Variants in PSMC3IP observed in about 807,000 individuals in gnomAD.
The protein encoded by PSMC3IP is homologous-pairing protein 2 homolog.
A neutral mutation model predicts 34.9 loss-of-function variants in PSMC3IP; 26 were observed. The observed-to-expected ratio is 0.74, with a 90% CI of 0.55 to 1.03. PSMC3IP has a LOEUF of 1.03. Ranked by LOEUF, PSMC3IP falls within the 50% of genes least tolerant of loss-of-function variation. PSMC3IP has a pLI of 0.00. For synonymous variants in PSMC3IP, 87 were observed against 96.5 expected (o/e 0.90, Z 0.57); for missense variants, 250 against 263.1 (o/e 0.95, Z 0.34).
rs1351553426 is a variant in PSMC3IP, at chr17:42,577,069, G to A, written c.225+144C>T. On this transcript the variant is annotated intron_variant, in intron 3 of 7. Coordinates refer to ENST00000393795, the MANE Select transcript of PSMC3IP (RefSeq NM_016556.4). ...TCGTGAAGTTGGGATCCTAACAAGA[G>A]GAGTACACACCTTGATTTAAGGATG... is the stretch of plus-strand genomic sequence containing the variant. The A allele has an allele frequency of 4.6e-6, 7 of 1,533,722 alleles. No individual in the cohort carries two copies. The Admixed American group carries it at 5.9e-5, about 13-fold the overall frequency.
chr17:42,575,853 CAAAAAAAAAA>C (rs971478774), intron 3 of PSMC3IP, among the ~76,000 whole-genome samples: 1 of 100,482 alleles, frequency 1.0e-5, no homozygotes, highest in Admixed American at 1.0e-4. Context: ...CTAAAAATAC[CAAAAAAAAAA>C]AAAAAAAAAA....
rs149230650 is a variant in PSMC3IP, at chr17:42,572,988, C to T, written c.634G>A (p.Val212Ile). Residue 212 changes from valine (V) to isoleucine (I), a missense_variant, in exon 8 of 8, where the codon GTC becomes ATC. Transcript: ENST00000393795. ...GCCCCTCAGGGGTCTGGGAGTGTGA[C>T]GTTGTAATCTTCATCCGTCTCTATC... ...VGIETDEDYN[V>I]TLPDP 2.6e-5 allele frequency: 42 copies of T among 1,614,216 alleles called. No individual in the cohort carries two copies. In the East Asian group the frequency reaches 4.7e-4, roughly 18 times the overall value.
intron 5 of PSMC3IP, 56 bp from the exon 6 acceptor site, chr17:42,573,420 G>A: frequency 6.2e-7 from 1 of 1,614,220 alleles, no homozygotes; most frequent in Non-Finnish European, 8.5e-7. Flanking sequence ...GCCCTCTGGG[G>A]CTCAGCCCTG....
Position 42,577,701 on chromosome 17 carries a change from C to T in PSMC3IP, c.-15G>A, listed in dbSNP as rs2093085683. 6.2e-7 allele frequency: 1 copy of T among 1,613,988 alleles called. No individual in the cohort carries two copies. The highest frequency in any genetic ancestry group is 8.5e-7 in the Non-Finnish European group (1 of 1,179,892). ...CCTTTACTCATCGCCTTTCCCGCCACCCAACTCAGAAAGCCGGACGTTGTA... is the reference window on the plus strand; with the variant it reads ...CCTTTACTCATCGCCTTTCCCGCCATCCAACTCAGAAAGCCGGACGTTGTA... On this transcript the variant is annotated 5_prime_UTR_variant, in exon 1 of 8. The change creates a new upstream start codon in the 5' untranslated region. Coordinates refer to ENST00000393795, the MANE Select transcript of PSMC3IP (RefSeq NM_016556.4).
Position 42,574,185 on chromosome 17 carries a change from G to A in PSMC3IP, c.251C>T (p.Ala84Val). The change falls in exon 4 of 8, where the codon GCT (alanine) becomes GTT (valine). Residue 84 changes from alanine to valine, a missense_variant. Physicochemically the swap from Ala to Val is moderately conservative, Grantham distance 64 (BLOSUM62 0). Coordinates refer to ENST00000393795, the MANE Select transcript of PSMC3IP (RefSeq NM_016556.4). ...DQDQFDMVSD[A>V]DLQVLDGKIV... ...TTTGCCATCTAGGACTTGAAGGTCAGCATCACTCACCATGTCAAACTGGTC... is the reference window on the plus strand; with the variant it reads ...TTTGCCATCTAGGACTTGAAGGTCAACATCACTCACCATGTCAAACTGGTC... The A allele has an allele frequency of 1.2e-6, 2 of 1,614,088 alleles. No homozygotes were observed. The highest frequency in any genetic ancestry group is 1.7e-6 in the Non-Finnish European group (2 of 1,179,994).
In PSMC3IP at chr17:42,572,942, C is replaced by G. The variant is rs776902601; in HGVS notation, c.*26G>C. On this transcript the variant is annotated 3_prime_UTR_variant, in exon 8 of 8. Coordinates refer to ENST00000393795, the MANE Select transcript of PSMC3IP (RefSeq NM_016556.4). The stretch of plus-strand genomic sequence containing the variant: ...TCTCACTCTTCTGACATCCTGCAGT[C>G]CCCACCAGTCCTGACCGTGGGCCCC... 1.2e-6 allele frequency: 2 copies of G among 1,612,854 alleles called. No individual in the cohort carries two copies. The highest frequency in any genetic ancestry group is 1.7e-6 in the Non-Finnish European group (2 of 1,179,164).
chr17:42,577,733 C>T (rs754276219), upstream of PSMC3IP: 1 of 1,611,328 alleles, frequency 6.2e-7, no homozygotes. Context: ...TGTAGTTGCT[C>T]GGGGCGACGG....
In PSMC3IP at chr17:42,572,574, A is replaced by AACCT. The variant is rs2093040305; in HGVS notation, c.*390_*393dup. Reference sequence around the variant, plus strand: ...GCCCTCCAAATGCTCGTTTTATAGCAACCTCTCTCTACCCTAGTTCTCCAA... The same window carrying AACCT: ...GCCCTCCAAATGCTCGTTTTATAGCAACCTACCTCTCTCTACCCTAGTTCTCCAA... On this transcript the variant is annotated 3_prime_UTR_variant, in exon 8 of 8. Transcript: ENST00000393795. 2.2e-6 allele frequency: 1 copy of AACCT among 453,752 alleles called. No homozygotes were observed. Among genetic ancestry groups the AACCT allele is most frequent in the Non-Finnish European group, 4.4e-6 (1 of 226,510 alleles). 28.1% of individuals were successfully genotyped at this position (453,752 alleles called of 1,614,324 possible).
chr17:42,574,854 A>G (rs1011452696), intron 3 of PSMC3IP, among the ~76,000 whole-genome samples: 3 of 152,002 alleles, frequency 2.0e-5, no homozygotes, highest in African/African-American at 7.3e-5. Flanking sequence ...CCTGGCTTCA[A>G]GCGATTCTCA....
intron 3 of PSMC3IP, chr17:42,576,774 C>A: frequency 4.1e-6 from 1 of 244,576 alleles, no homozygotes; most frequent in East Asian, 1.1e-4. Flanking sequence ...AGAAAGAAAC[C>A]AGTCCGGGGT....
At chr17:42,577,734 G>A (rs1162550607), upstream of PSMC3IP, 1 of 1,610,544 alleles carries the variant, frequency 6.2e-7, no homozygotes, top group South Asian at 1.1e-5. Flanking sequence ...GTAGTTGCTC[G>A]GGGCGACGGC....
rs2093045377 is a variant in PSMC3IP, at chr17:42,573,034, A to G, written c.598-10T>C. On this transcript the variant is annotated splice_polypyrimidine_tract_variant and intron_variant, in intron 7 of 7. Coordinates refer to ENST00000393795, the MANE Select transcript of PSMC3IP (RefSeq NM_016556.4). ...CTATCCCAACTTCCTCCTGTGAGACAGGGAGACAAGTGAATGAGATGTCAC... is the reference window on the plus strand; with the variant it reads ...CTATCCCAACTTCCTCCTGTGAGACGGGGAGACAAGTGAATGAGATGTCAC... The G allele has an allele frequency of 6.2e-7, 1 of 1,614,210 alleles. No homozygotes were observed. The highest frequency in any genetic ancestry group is 8.5e-7 in the Non-Finnish European group (1 of 1,179,996).
At chr17:42,575,997 G>C (rs1213324928) in intron 3 of PSMC3IP, among the ~76,000 whole-genome samples, 1 of 152,172 alleles carries the variant, frequency 6.6e-6, no homozygotes, top group African/African-American at 2.4e-5. Flanking sequence ...CTCCAGCCTG[G>C]GTGACAGAGC....
chr17:42,575,065 G>A (rs2093066664), intron 3 of PSMC3IP, among the ~76,000 whole-genome samples: 1 of 152,160 alleles, frequency 6.6e-6, no homozygotes, highest in African/African-American at 2.4e-5. Context: ...TGGGATCCAT[G>A]TAGATAAGGG....
chr17:42,577,030 T>C (rs1050494091), intron 3 of PSMC3IP, 183 bp downstream of exon 3: 8 of 1,413,458 alleles, frequency 5.7e-6, no homozygotes, highest in Non-Finnish European at 6.7e-6. Context: ...CATCATATTG[T>C]AAATCTGGAA....
At chr17:42,574,249 G>A in intron 3 of PSMC3IP, 39 bp from the exon 4 acceptor site, 4 of 1,597,730 alleles carry the variant, frequency 2.5e-6, no homozygotes, top group South Asian at 2.3e-5. Context: ...GAACTGTTGT[G>A]AGGCACAAAG....
At chr17:42,574,343 A>G in intron 3 of PSMC3IP, 133 bp from the exon 4 acceptor site, 1 of 1,515,230 alleles carries the variant, frequency 6.6e-7, no homozygotes, top group South Asian at 1.2e-5. Flanking sequence ...GTCTGCAGAA[A>G]TAGTGGGAGA....
chr17:42,577,751 C>A, upstream of PSMC3IP: 2 of 1,597,796 alleles, frequency 1.3e-6, no homozygotes, highest in Non-Finnish European at 1.7e-6. Flanking sequence ...CGGCTCCTTC[C>A]GGCGACGGGG....
chr17:42,573,578 T>C lies in PSMC3IP; in HGVS notation c.383A>G (p.Lys128Arg), dbSNP rs1000890947. The change falls in exon 5 of 8, where the codon AAA (lysine) becomes AGA (arginine). Residue 128 changes from lysine to arginine, a missense_variant. Transcript: ENST00000393795. ...SSALTTPEMQKEIQELKKECA... is the reference protein window; with the variant it reads ...SSALTTPEMQREIQELKKECA... ...TTCCTTCTTTAACTCCTGGATTTCT[T>C]TCTGCATCTCTGGTGTGGTCAGGGC... 4 of 1,614,218 alleles carry C rather than the reference T, an allele frequency of 2.5e-6. No individual in the cohort carries two copies. The Admixed American group carries it at 5.0e-5, about 20-fold the overall frequency.
Sources: allele counts gnomAD v4.1 joint callset (sites outside exome capture counted in the v4.1 genomes callset), GRCh38; gene constraint gnomAD v4.1.1; transcripts MANE v1.5; gene names NCBI Gene and HGNC (gene_info 2026-07-23, HGNC 2026-07-21).